The following AVPI1 variants were observed in gnomAD, a reference collection of about 807,000 sequenced individuals.
The protein encoded by AVPI1 is arginine vasopressin induced 1, also known as arginine vasopressin-induced protein 1.
A neutral mutation model predicts 11.9 loss-of-function variants in AVPI1; 9 were observed. The observed-to-expected ratio is 0.76, with a 90% CI of 0.46 to 1.32. AVPI1 has a LOEUF of 1.32. Among genes scored for constraint, AVPI1 ranks in the 40% most tolerant of loss-of-function variants. AVPI1 has a pLI of 0.00. For missense variants in AVPI1, 207 were observed against 195.8 expected, an observed-to-expected ratio of 1.06 and a Z score of -0.34; for synonymous variants, 68 against 78.1, an observed-to-expected ratio of 0.87 and a Z score of 0.68.
At chr10:97,681,795 G>A (rs1413828035) in intron 1 of AVPI1, among the ~76,000 whole-genome samples, 6 of 148,810 alleles carry the variant, frequency 4.0e-5, no homozygotes, top group Non-Finnish European at 8.9e-5. Flanking sequence ...GGAGAATGGC[G>A]TGAACCCGGG....
chr10:97,683,783 C>G (rs372836359), intron 1 of AVPI1, among the ~76,000 whole-genome samples: 1 of 152,214 alleles, frequency 6.6e-6, no homozygotes, highest in Non-Finnish European at 1.5e-5. Flanking sequence ...CCCTGGCTTA[C>G]GAGTCAGAGG....
At chr10:97,682,866 T>G (rs537821495) in intron 1 of AVPI1, among the ~76,000 whole-genome samples, 1 of 152,332 alleles carries the variant, frequency 6.6e-6, no homozygotes, top group Admixed American at 6.5e-5. Flanking sequence ...AGTTAAAACC[T>G]AATCTATATG....
rs548229259 is a variant in AVPI1 at position 97,681,412 on chromosome 10, G to C, written c.-10-1497C>G. On this transcript the variant is annotated intron_variant, in intron 1 of 2. Transcript: ENST00000370626. The stretch of plus-strand genomic sequence containing the variant: ...AGCCTGACCAACATTGAGAAACTCC[G>C]TCTCTACTAAAAATACAAAAGTAGC... Among the ~76,000 whole-genome samples, 7 of 152,054 alleles carry C rather than the reference G, an allele frequency of 4.6e-5. No homozygotes were observed. In the East Asian group the frequency reaches 1.4e-3, roughly 29 times the overall value.
At chr10:97,679,528 G>A in intron 2 of AVPI1, 91 bp downstream of exon 2, 6 of 1,435,228 alleles carry the variant, frequency 4.2e-6, no homozygotes, top group Non-Finnish European at 5.6e-6. Flanking sequence ...TTTACAGTGA[G>A]GCCAAGTAAC....
intron 1 of AVPI1, among the ~76,000 whole-genome samples, chr10:97,682,139 T>G (rs1056412146): frequency 6.6e-6 from 1 of 152,214 alleles, no homozygotes; most frequent in African/African-American, 2.4e-5. Flanking sequence ...GAGGAATTTA[T>G]AAACGCAAAT....
chr10:97,686,561 G>A (rs7073540), intron 1 of AVPI1, among the ~76,000 whole-genome samples: 3,104 of 152,264 alleles, frequency 0.02, 51 homozygotes, highest in African/African-American at 0.038. Flanking sequence ...CCCAGCACCC[G>A]GGCTCTCAAG....
intron 1 of AVPI1, among the ~76,000 whole-genome samples, chr10:97,684,835 G>A (rs1184065164): frequency 6.6e-6 from 1 of 152,158 alleles, no homozygotes; most frequent in African/African-American, 2.4e-5. Context: ...CTTATTCTGG[G>A]ATTCAGACAG....
chr10:97,684,538 C>A (rs1432362776), intron 1 of AVPI1, among the ~76,000 whole-genome samples: 2 of 142,108 alleles, frequency 1.4e-5, no homozygotes, highest in Non-Finnish European at 3.0e-5. Flanking sequence ...CACTCTGTCA[C>A]CCACGCTGGA....
intron 2 of AVPI1, among the ~76,000 whole-genome samples, chr10:97,678,860 C>CT (rs201581234): frequency 2.8e-5 from 4 of 141,536 alleles, no homozygotes; most frequent in African/African-American, 5.3e-5. Context: ...GCTAATTTCT[C>CT]TTTTTTTTGG....
At chr10:97,679,163 C>T (rs2041688637) in intron 2 of AVPI1, among the ~76,000 whole-genome samples, 1 of 127,514 alleles carries the variant, frequency 7.8e-6, no homozygotes, top group South Asian at 2.4e-4. Context: ...TTTTTTGAGA[C>T]AGAGTCTCGC....
At chr10:97,681,696 T>A in intron 1 of AVPI1, among the ~76,000 whole-genome samples, 1 of 144,602 alleles carries the variant, frequency 6.9e-6, no homozygotes, top group Non-Finnish European at 1.5e-5. Flanking sequence ...GCTAACAAGG[T>A]GAAACCCCGT....
At position 97,677,798 on chromosome 10, in the gene AVPI1, C is replaced by A; in HGVS notation, c.*71G>T. The A allele has an allele frequency of 6.3e-7, 1 of 1,579,822 alleles. No homozygotes were observed. The highest frequency in any genetic ancestry group is 8.6e-7 in the Non-Finnish European group (1 of 1,160,090). On this transcript the variant is annotated 3_prime_UTR_variant, in exon 3 of 3. Coordinates refer to ENST00000370626, the MANE Select transcript of AVPI1 (RefSeq NM_021732.3). ...CCCCTTTGGGCTGCTTGCCTAAAGTCTCTCTTCCTTCACCTCCCCAGGCCT... is the reference window on the plus strand; with the variant it reads ...CCCCTTTGGGCTGCTTGCCTAAAGTATCTCTTCCTTCACCTCCCCAGGCCT...
rs556601540 is a variant in AVPI1 at position 97,683,369 on chromosome 10, G to C, written c.-11+3397C>G. 1.9e-3 allele frequency among the ~76,000 whole-genome samples: 295 copies of C among 152,286 alleles called. 1 individual carries two copies. Among genetic ancestry groups the C allele is most frequent in the African/African-American group, 6.9e-3 (286 of 41,546 alleles). On this transcript the variant is annotated intron_variant, in intron 1 of 2. Transcript: ENST00000370626. The stretch of plus-strand genomic sequence containing the variant: ...AGACAGGGTTTCACCATGTTGGTCA[G>C]GCTGGTCTTGAACTCCTGACCTCAG...
intron 1 of AVPI1, among the ~76,000 whole-genome samples, chr10:97,684,275 C>A (rs887887977): frequency 2.6e-5 from 4 of 152,132 alleles, no homozygotes; most frequent in Non-Finnish European, 5.9e-5. Flanking sequence ...CAATAAGGAT[C>A]ATGTAGCAGC....
intron 2 of AVPI1, among the ~76,000 whole-genome samples, chr10:97,678,886 T>G (rs2041682113): frequency 7.2e-4 from 2 of 2,768 alleles, no homozygotes; most frequent in African/African-American, 2.1e-3. Flanking sequence ...GGAGGGTGTG[T>G]GTGTGTGTGT....
At chr10:97,683,241 T>C (rs1180440484) in intron 1 of AVPI1, among the ~76,000 whole-genome samples, 1 of 152,146 alleles carries the variant, frequency 6.6e-6, no homozygotes, top group Admixed American at 6.5e-5. Flanking sequence ...CACTGCAACC[T>C]CTACCTCCTG....
rs757996345 is a variant in AVPI1 at position 97,677,954 on chromosome 10, A to G, written c.359T>C (p.Leu120Pro). Residue 120 changes from leucine to proline, a missense_variant, in exon 3 of 3, where the codon CTG becomes CCG. Transcript: ENST00000370626. ...CCTGGCACTTTTCTTCCTAGAGTGC[A>G]GATACTGCTCACTGGAGGCTGTCTC... The part of the protein sequence containing the change: ...ATETASSEQY[L>P]HSRKKSARIR... The G allele has an allele frequency of 1.9e-6, 3 of 1,614,136 alleles. No homozygotes were observed. Among genetic ancestry groups the G allele is most frequent in the Non-Finnish European group, 1.7e-6 (2 of 1,180,018 alleles).
chr10:97,680,876 T>C (rs576657937), intron 1 of AVPI1, among the ~76,000 whole-genome samples: 1 of 152,168 alleles, frequency 6.6e-6, no homozygotes, highest in Non-Finnish European at 1.5e-5. Context: ...GAATATACTG[T>C]CAAGGGCAGA....
chr10:97,686,149 G>A (rs2151933), intron 1 of AVPI1, among the ~76,000 whole-genome samples: 110 of 152,214 alleles, frequency 7.2e-4, no homozygotes, highest in African/African-American at 2.6e-3. Context: ...AAAATAAATG[G>A]TGAGTATAAA....
Sources: gnomAD v4.1 joint callset for allele counts (sites outside exome capture counted in the v4.1 genomes callset) on GRCh38, gnomAD v4.1.1 for gene constraint, MANE v1.5 for transcripts, NCBI Gene and HGNC (gene_info 2026-07-23, HGNC 2026-07-21) for gene names.